ZNF678: variants seen among roughly 807,000 people sequenced by gnomAD.
ZNF678 encodes zinc finger protein 678.
Under a neutral mutation model 3.0 loss-of-function variants are expected in ZNF678, and 5 were observed. The observed-to-expected ratio is 1.69, with a 90% CI of 0.88 to 3.56. ZNF678 has a LOEUF of 3.56. ZNF678 is among the 30% of genes most tolerant of loss of function. The probability of loss-of-function intolerance (pLI) is 0.00; values close to 1 mark genes in which losing one functional copy is unlikely to be tolerated. For missense variants in ZNF678, 593 were observed against 605.0 expected (o/e 0.98, Z 0.21); for synonymous variants, 218 against 199.6 (o/e 1.09, Z -0.78).
At chr1:227,563,871 C>G in intron 1 of ZNF678, 147 bp downstream of exon 1, 2 of 686,058 alleles carry the variant, frequency 2.9e-6, no homozygotes, top group Non-Finnish European at 4.5e-6. Context: ...GGATTCTCCT[C>G]CCATCACTGC....
At chr1:227,604,492 C>T (rs1305154273) in intron 1 of ZNF678, among the ~76,000 whole-genome samples, 1 of 152,114 alleles carries the variant, frequency 6.6e-6, no homozygotes, top group African/African-American at 2.4e-5. Context: ...CTCAAATGAT[C>T]TTCCTGCCTC....
chr1:227,665,520 TTGTAGG>T (rs1170238280), downstream of ZNF678, among the ~76,000 whole-genome samples: 3 of 152,158 alleles, frequency 2.0e-5, no homozygotes, highest in Non-Finnish European at 4.4e-5. Context: ...GGCTCTCAGG[TTGTAGG>T]CCGGAGGCTT....
At chr1:227,590,701 A>G (rs574844748) in intron 1 of ZNF678, among the ~76,000 whole-genome samples, 54 of 151,960 alleles carry the variant, frequency 3.6e-4, no homozygotes, top group Middle Eastern at 6.8e-3. Flanking sequence ...CTACCTGTCC[A>G]CTGATCAGGC....
At chr1:227,574,142 A>G (rs1457463778) in intron 1 of ZNF678, among the ~76,000 whole-genome samples, 1 of 152,178 alleles carries the variant, frequency 6.6e-6, no homozygotes, top group Non-Finnish European at 1.5e-5. Flanking sequence ...ATATACATGC[A>G]TTTGTCTTTA....
chr1:227,598,837 A>G (rs1238740951), intron 1 of ZNF678: 2 of 594,628 alleles, frequency 3.4e-6, no homozygotes, highest in Non-Finnish European at 6.3e-6. Flanking sequence ...TTAGAGCTTA[A>G]TGAAGAAGAA....
chr1:227,642,683 T>C (rs1462257095), intron 1 of ZNF678, among the ~76,000 whole-genome samples: 1 of 151,822 alleles, frequency 6.6e-6, no homozygotes, highest in Non-Finnish European at 1.5e-5. Flanking sequence ...CTGGAACCCC[T>C]CTCATCAGCA....
At chr1:227,595,550 A>T (rs945981712) in intron 1 of ZNF678, among the ~76,000 whole-genome samples, 7 of 152,072 alleles carry the variant, frequency 4.6e-5, no homozygotes, top group African/African-American at 1.4e-4. Context: ...CTTTTTTGAA[A>T]TTTTTTAACA....
chr1:227,652,030 G>A (rs6678802), intron 3 of ZNF678, among the ~76,000 whole-genome samples: 33,036 of 152,014 alleles, frequency 0.22, 3,998 homozygotes, highest in African/African-American at 0.32. Flanking sequence ...TTTCAAATTT[G>A]TGTGGAATTT....
chr1:227,669,207 A>G (rs1464318344), intron 5 of ZNF678, among the ~76,000 whole-genome samples: 3 of 152,214 alleles, frequency 2.0e-5, no homozygotes, highest in Non-Finnish European at 4.4e-5. Context: ...AAGAAACTTA[A>G]GTCAACAAGT....
intron 1 of ZNF678, among the ~76,000 whole-genome samples, chr1:227,642,010 T>C (rs996716831): frequency 4.6e-5 from 7 of 152,192 alleles, no homozygotes; most frequent in African/African-American, 1.7e-4. Flanking sequence ...TGAATCTAGG[T>C]CCTGGGGTTC....
intron 1 of ZNF678, among the ~76,000 whole-genome samples, chr1:227,616,352 G>A (rs1156543525): frequency 6.6e-6 from 1 of 152,216 alleles, no homozygotes; most frequent in East Asian, 1.9e-4. Flanking sequence ...CTCAGGCTCA[G>A]GGTGACTCCG....
intron 1 of ZNF678, among the ~76,000 whole-genome samples, chr1:227,597,806 G>C (rs1299604523): frequency 6.6e-6 from 1 of 152,200 alleles, no homozygotes; most frequent in Non-Finnish European, 1.5e-5. Flanking sequence ...ACTAAGCTCA[G>C]TAAAGGGCAA....
chr1:227,631,550 C>T (rs1234331477), intron 1 of ZNF678, among the ~76,000 whole-genome samples: 15 of 152,194 alleles, frequency 9.9e-5, no homozygotes, highest in Admixed American at 9.8e-4. Flanking sequence ...CAGGATTGAG[C>T]TAGAGTTTTT....
chr1:227,631,843 A>G (rs1249692666), intron 1 of ZNF678, among the ~76,000 whole-genome samples: 2 of 152,240 alleles, frequency 1.3e-5, no homozygotes, highest in Non-Finnish European at 2.9e-5. Context: ...TGTGAGAGAG[A>G]TAATTCCTCT....
At chr1:227,585,779 A>C (rs185117386) in intron 1 of ZNF678, among the ~76,000 whole-genome samples, 3,295 of 96,048 alleles carry the variant, frequency 0.034, 73 homozygotes, top group African/African-American at 0.08. Flanking sequence ...CAGTCCCCCC[A>C]AAAAAAAACA....
chr1:227,581,791 ATT>A (rs1657134624), intron 1 of ZNF678, among the ~76,000 whole-genome samples: 1 of 152,208 alleles, frequency 6.6e-6, no homozygotes, highest in African/African-American at 2.4e-5. Context: ...AAAGTGCTAG[ATT>A]ATAGGTTATG....
intron 1 of ZNF678, among the ~76,000 whole-genome samples, chr1:227,585,809 C>T (rs953972421): frequency 4.0e-5 from 6 of 151,878 alleles, no homozygotes; most frequent in African/African-American, 9.7e-5. Context: ...ATTCTCTAGA[C>T]GTTTAAAAAA....
rs1162790864 is a variant in ZNF678, at chr1:227,660,807, T to A, written c.*4979T>A. The stretch of plus-strand genomic sequence containing the variant: ...CTCTTAGAAAAAAGGCTTACAACTT[T>A]TGAAGGTTTAGCATGATGTCAGATG... On this transcript the variant is annotated 3_prime_UTR_variant, in exon 4 of 4. Coordinates refer to ENST00000343776, the MANE Select transcript of ZNF678 (RefSeq NM_001367909.1). The A allele has an allele frequency of 6.6e-6, 1 of 152,220 alleles. No individual in the cohort carries two copies. Among genetic ancestry groups the A allele is most frequent in the Non-Finnish European group, 1.5e-5 (1 of 68,030 alleles). The allele number at this position is 152,220 out of a possible 1,614,324, so 9.4% of individuals were successfully genotyped here. A position where few individuals can be genotyped will look rare whatever the true frequency, so the allele number is the denominator to read the frequency against.
intron 1 of ZNF678, among the ~76,000 whole-genome samples, chr1:227,581,456 A>G (rs1444026695): frequency 3.3e-5 from 5 of 152,210 alleles, no homozygotes; most frequent in Non-Finnish European, 5.9e-5. Context: ...CTGCCTATCC[A>G]CCAAGTGCAA....
Sources: gnomAD v4.1 joint callset for allele counts (sites outside exome capture counted in the v4.1 genomes callset) on GRCh38, gnomAD v4.1.1 for gene constraint, MANE v1.5 for transcripts, NCBI Gene and HGNC (gene_info 2026-07-23, HGNC 2026-07-21) for gene names.